LGI2: variants seen among roughly 807,000 people sequenced by gnomAD.
LGI2 encodes the protein leucine-rich repeat LGI family member 2.
LGI2 carries 30 observed loss-of-function variants against 52.0 expected under a neutral mutation model. The ratio of observed to expected loss-of-function variants is 0.58; its 90% CI spans 0.43 to 0.78. LGI2 has a LOEUF of 0.78. Among genes scored for constraint, LGI2 ranks in the 30% least tolerant of loss-of-function variants. LGI2 has a pLI of 0.00. For missense variants in LGI2, 573 were observed against 692.5 expected (o/e 0.83, Z 1.94); for synonymous variants, 270 against 271.8 (o/e 0.99, Z 0.06).
At chr4:25,026,315 G>A (rs534624689) in intron 3 of LGI2, among the ~76,000 whole-genome samples, 1 of 151,966 alleles carries the variant, frequency 6.6e-6, no homozygotes, top group East Asian at 1.9e-4. Flanking sequence ...CAAGGGCAAA[G>A]CTCATTGCGA....
chr4:25,024,135 C>T (rs962778893), intron 4 of LGI2, among the ~76,000 whole-genome samples: 1 of 152,168 alleles, frequency 6.6e-6, no homozygotes, highest in African/African-American at 2.4e-5. Flanking sequence ...TGGGGACTCA[C>T]AGATTATTAT....
At chr4:25,018,718 T>TG (rs1725851675) in intron 5 of LGI2, among the ~76,000 whole-genome samples, 1 of 151,846 alleles carries the variant, frequency 6.6e-6, no homozygotes, top group Non-Finnish European at 1.5e-5. Flanking sequence ...AAAAATTAGC[T>TG]GGGGGTAGTG....
At chr4:25,025,769 C>A (rs1309870721) in intron 3 of LGI2, among the ~76,000 whole-genome samples, 1 of 152,224 alleles carries the variant, frequency 6.6e-6, no homozygotes, top group African/African-American at 2.4e-5. Context: ...GCACTGAGAA[C>A]TCACTGATGG....
chr4:25,019,416 CTTTCT>C (rs1026649426), intron 4 of LGI2, among the ~76,000 whole-genome samples, 178 bp from the exon 5 acceptor site: 2 of 63,632 alleles, frequency 3.1e-5, no homozygotes, highest in African/African-American at 2.2e-4. Context: ...TATACATTTT[CTTTCT>C]TTTTTTTTTT....
rs1725219990 is a variant in LGI2 at position 25,000,845 on chromosome 4, T to G, written c.*2606A>C. On this transcript the variant is annotated 3_prime_UTR_variant, in exon 8 of 8. Coordinates refer to ENST00000382114, the MANE Select transcript of LGI2 (RefSeq NM_018176.4). ...TTGTTTTACATTATTACTGGAAGAA[T>G]GCTTCTTGCAGAAGTTGTTTAAAAC... 1 of 152,258 alleles carries G rather than the reference T, an allele frequency of 6.6e-6. No individual in the cohort carries two copies. Among genetic ancestry groups the G allele is most frequent in the East Asian group, 1.9e-4 (1 of 5,198 alleles). The allele number at this position is 152,258 out of a possible 1,614,324, so 9.4% of individuals were successfully genotyped here. A position where few individuals can be genotyped will look rare whatever the true frequency, so the allele number is the denominator to read the frequency against.
chr4:25,008,281 G>A (rs1237985903), intron 7 of LGI2, among the ~76,000 whole-genome samples: 33 of 152,142 alleles, frequency 2.2e-4, no homozygotes, highest in Admixed American at 2.0e-4. Flanking sequence ...GGCCAGGCAC[G>A]TTGTCTCACA....
At position 25,030,577 on chromosome 4, in the gene LGI2, A is replaced by T; in HGVS notation, c.117T>A (p.Thr39=). The T allele has an allele frequency of 6.3e-7, 1 of 1,578,418 alleles. No individual in the cohort carries two copies. Among genetic ancestry groups the T allele is most frequent in the Non-Finnish European group, 8.6e-7 (1 of 1,163,942 alleles). Residue 39 remains threonine, a synonymous_variant, in exon 1 of 8, where the codon ACT becomes ACA. Coordinates refer to ENST00000382114, the MANE Select transcript of LGI2 (RefSeq NM_018176.4). ...QVRRLARCPA[T]CSCTKESIIC... ...TGATAGACTCCTTGGTACAGCTGCA[A>T]GTGGCGGGGCAGCGCGCCAGCCGCC...
chr4:25,030,069 A>G (rs980388970), intron 1 of LGI2, among the ~76,000 whole-genome samples: 5 of 149,030 alleles, frequency 3.4e-5, no homozygotes, highest in Non-Finnish European at 6.0e-5. Flanking sequence ...GCACGCCCCT[A>G]CACACACAAC....
At chr4:24,998,106 G>A (rs1482107081), downstream of LGI2, among the ~76,000 whole-genome samples, 1 of 152,082 alleles carries the variant, frequency 6.6e-6, no homozygotes, top group African/African-American at 2.4e-5. Flanking sequence ...CAACTCCTGG[G>A]CTCAAGTGAT....
At chr4:25,018,257 A>T in intron 5 of LGI2, 99 bp from the exon 6 acceptor site, 2 of 814,052 alleles carry the variant, frequency 2.5e-6, no homozygotes, top group Non-Finnish European at 3.7e-6. Flanking sequence ...TAACATCCTG[A>T]TATATTTAAA....
intron 3 of LGI2, among the ~76,000 whole-genome samples, chr4:25,025,702 G>T (rs1726123802): frequency 6.6e-6 from 1 of 152,194 alleles, no homozygotes; most frequent in South Asian, 2.1e-4. Flanking sequence ...TTGATGAGAT[G>T]CTCCATGGTT....
At chr4:25,022,911 T>G (rs997097355) in intron 4 of LGI2, among the ~76,000 whole-genome samples, 5 of 152,230 alleles carry the variant, frequency 3.3e-5, no homozygotes, top group African/African-American at 1.2e-4. Context: ...TCCTGACTTC[T>G]GGGAACCAGA....
chr4:25,018,834 C>T (rs1425550338), intron 5 of LGI2, among the ~76,000 whole-genome samples: 2 of 151,580 alleles, frequency 1.3e-5, no homozygotes, highest in Admixed American at 6.6e-5. Flanking sequence ...TTCACTCTAG[C>T]CTGGGCAACA....
At chr4:25,022,676 C>G (rs1323322589) in intron 4 of LGI2, among the ~76,000 whole-genome samples, 1 of 152,194 alleles carries the variant, frequency 6.6e-6, no homozygotes, top group Non-Finnish European at 1.5e-5. Flanking sequence ...GTTATGTACA[C>G]TCATGTATAT....
chr4:25,022,509 T>G (rs1202637952), intron 4 of LGI2, among the ~76,000 whole-genome samples: 2 of 152,160 alleles, frequency 1.3e-5, no homozygotes, highest in Non-Finnish European at 2.9e-5. Flanking sequence ...CTCTAACGCA[T>G]TCCATGCTCG....
At chr4:25,017,870 TA>T in intron 6 of LGI2, 118 bp downstream of exon 6, 2 of 924,332 alleles carry the variant, frequency 2.2e-6, no homozygotes, top group Non-Finnish European at 3.0e-6. Flanking sequence ...AAAATTTCTC[TA>T]AAACAATTTT....
chr4:25,023,889 G>A (rs2109424093), intron 4 of LGI2, among the ~76,000 whole-genome samples: 1 of 152,280 alleles, frequency 6.6e-6, no homozygotes, highest in Non-Finnish European at 1.5e-5. Flanking sequence ...TGCTAAGTGT[G>A]TGTACTTGCT....
chr4:25,023,481 C>G (rs955322673), intron 4 of LGI2, among the ~76,000 whole-genome samples: 3 of 152,230 alleles, frequency 2.0e-5, no homozygotes, highest in Non-Finnish European at 4.4e-5. Context: ...ACCCGATAGG[C>G]TTTAACTTAG....
At chr4:25,028,441 G>A in intron 2 of LGI2, 66 bp downstream of exon 2, 1 of 1,443,698 alleles carries the variant, frequency 6.9e-7, no homozygotes, top group Non-Finnish European at 9.7e-7. Context: ...CAAAGAGGCA[G>A]AGACGGCCCT....
Sources: allele counts gnomAD v4.1 joint callset (sites outside exome capture counted in the v4.1 genomes callset), GRCh38; gene constraint gnomAD v4.1.1; transcripts MANE v1.5; gene names NCBI Gene and HGNC (gene_info 2026-07-23, HGNC 2026-07-21).